MRTFB: variants seen among roughly 807,000 people sequenced by gnomAD.
MRTFB encodes the protein myocardin-related transcription factor B.
A neutral mutation model predicts 104.2 loss-of-function variants in MRTFB; 29 were observed. That is an observed-to-expected ratio of 0.28 (90% CI 0.21 to 0.38). MRTFB has a LOEUF of 0.38. Ranked by LOEUF, MRTFB falls within the 10% of genes least tolerant of loss-of-function variation. MRTFB has a pLI of 1.00. For missense variants in MRTFB, 1,270 were observed against 1,341.6 expected (o/e 0.95, Z 0.83); for synonymous variants, 535 against 519.5 (o/e 1.03, Z -0.41).
intron 14 of MRTFB, 32 bp from the exon 15 acceptor site, chr16:14,252,333 G>T (rs1230826380): frequency 6.2e-7 from 1 of 1,603,266 alleles, no homozygotes; most frequent in Non-Finnish European, 8.5e-7. Flanking sequence ...ATTGCCAAGA[G>T]GTAATGTGCA....
At chr16:14,098,152 T>C (rs2035499261) in intron 2 of MRTFB, among the ~76,000 whole-genome samples, 1 of 152,220 alleles carries the variant, frequency 6.6e-6, no homozygotes, top group South Asian at 2.1e-4. Context: ...AACTTTTTTT[T>C]CAGAACTGCC....
At chr16:14,225,312 G>A (rs1465480566) in intron 8 of MRTFB, among the ~76,000 whole-genome samples, 3 of 152,164 alleles carry the variant, frequency 2.0e-5, no homozygotes, top group African/African-American at 7.2e-5. Context: ...ACAAATCTAT[G>A]TTAATGGCCA....
the MRTFB span, among the ~76,000 whole-genome samples, chr16:14,062,374 C>T: frequency 6.6e-6 from 1 of 152,192 alleles, no homozygotes; most frequent in African/African-American, 2.4e-5. Flanking sequence ...ACTGAGATTA[C>T]AGGCGTGAGC....
intron 3 of MRTFB, among the ~76,000 whole-genome samples, chr16:14,147,410 C>G (rs1224373593): frequency 6.6e-6 from 1 of 152,172 alleles, no homozygotes; most frequent in Non-Finnish European, 1.5e-5. Context: ...GAGGTATTCT[C>G]TTTCATAATA....
intron 10 of MRTFB, chr16:14,240,780 C>A (rs775851509): frequency 4.7e-5 from 36 of 762,730 alleles, no homozygotes; most frequent in Non-Finnish European, 7.7e-5. Flanking sequence ...GTACTAGATG[C>A]TCTGAGAAAA....
chr16:14,037,272 T>A, the MRTFB span, among the ~76,000 whole-genome samples: 1 of 152,230 alleles, frequency 6.6e-6, no homozygotes, highest in Non-Finnish European at 1.5e-5. Context: ...GTGAAGGACC[T>A]GGCATATTGC....
chr16:14,161,833 T>C (rs915097549), intron 3 of MRTFB, among the ~76,000 whole-genome samples: 10 of 152,182 alleles, frequency 6.6e-5, no homozygotes, highest in Admixed American at 4.6e-4. Flanking sequence ...GTGTATTCAT[T>C]AGTACCTCAA....
intron 10 of MRTFB, 43 bp downstream of exon 10, chr16:14,240,527 G>C: frequency 6.2e-7 from 1 of 1,614,044 alleles, no homozygotes; most frequent in Non-Finnish European, 8.5e-7. Context: ...GGTTTTCTGT[G>C]GTTTTTTATG....
the MRTFB span, among the ~76,000 whole-genome samples, chr16:14,012,524 T>G: frequency 6.6e-6 from 1 of 152,094 alleles, no homozygotes; most frequent in Non-Finnish European, 1.5e-5. Context: ...GGTCTCGATC[T>G]CCTGACCTCG....
chr16:14,219,412 A>T (rs1301382547), intron 8 of MRTFB, among the ~76,000 whole-genome samples: 1 of 152,198 alleles, frequency 6.6e-6, no homozygotes, highest in Non-Finnish European at 1.5e-5. Flanking sequence ...TTGGCTTTAT[A>T]ATAATTCTTG....
chr16:14,206,460 A>G (rs752055942), intron 3 of MRTFB, among the ~76,000 whole-genome samples: 11 of 152,256 alleles, frequency 7.2e-5, no homozygotes, highest in Non-Finnish European at 1.0e-4. Flanking sequence ...GTCTATACCT[A>G]TATGATCTGT....
At chr16:14,083,132 T>G (rs72783446) in intron 2 of MRTFB, among the ~76,000 whole-genome samples, 8,928 of 152,242 alleles carry the variant, frequency 0.059, 509 homozygotes, top group East Asian at 0.3. Context: ...ATAGGATTGT[T>G]TTCTTGATTT....
intron 4 of MRTFB, 36 bp downstream of exon 4, chr16:14,210,344 A>T (rs761960196): frequency 3.0e-5 from 47 of 1,541,294 alleles, no homozygotes; most frequent in Non-Finnish European, 4.0e-5. Context: ...CCCTAACGTG[A>T]CAGAACATGA....
rs2043927836 is a variant in MRTFB at position 14,265,780 on chromosome 16, CACAGCTTTGTG to C, written c.*4340_*4350del. 1 of 152,200 alleles carries C rather than the reference CACAGCTTTGTG, an allele frequency of 6.6e-6. No homozygotes were observed. The allele number at this position is 152,200 out of a possible 1,614,324, so 9.4% of individuals were successfully genotyped here. A position where few individuals can be genotyped will look rare whatever the true frequency, so the allele number is the denominator to read the frequency against. On this transcript the variant is annotated 3_prime_UTR_variant, in exon 17 of 17. Coordinates refer to ENST00000571589, the MANE Select transcript of MRTFB (RefSeq NM_001308142.2). The stretch of plus-strand genomic sequence containing the variant: ...ATGCAAACACTTTGCTCTGTGGTGT[CACAGCTTTGTG>C]ACAATAAGATGGCAATCTCGGATCT...
chr16:14,077,466 G>C (rs2034131026), intron 1 of MRTFB, among the ~76,000 whole-genome samples: 1 of 148,324 alleles, frequency 6.7e-6, no homozygotes, highest in African/African-American at 2.5e-5. Flanking sequence ...GTACTACATT[G>C]GTTTTATAAA....
At chr16:14,147,181 T>C (rs572434210) in intron 3 of MRTFB, among the ~76,000 whole-genome samples, 65 of 152,368 alleles carry the variant, frequency 4.3e-4, no homozygotes, top group African/African-American at 1.4e-3. Flanking sequence ...AGAAAAGAAG[T>C]ATATACTCTG....
At chr16:14,144,376 A>G (rs1261802358) in intron 3 of MRTFB, 1 of 152,228 alleles carries the variant, frequency 6.6e-6, no homozygotes, top group Non-Finnish European at 1.5e-5. Flanking sequence ...CCAAGGCATA[A>G]AAGGCATCCT....
At chr16:14,127,929 ATTTTTTTTTTTTTT>A (rs67001306) in intron 2 of MRTFB, among the ~76,000 whole-genome samples, 1 of 44,640 alleles carries the variant, frequency 2.2e-5, no homozygotes, top group African/African-American at 1.8e-4. Flanking sequence ...ATATATATAT[ATTTTTTTTTTTTTT>A]TTTTTTTTCT....
chr16:14,164,269 A>G lies in MRTFB; in HGVS notation c.154+23509A>G, dbSNP rs139591967. Among the ~76,000 whole-genome samples the G allele has an allele frequency of 3.5e-3, 535 of 152,170 alleles. 3 individuals carry two copies. Among genetic ancestry groups the G allele is most frequent in the African/African-American group, 0.012 (515 of 41,500 alleles). ...TATCATTCCGTTACTCTGTATCTCT[A>G]TCTCCTTAAGATCAACTTTTTTACC... On this transcript the variant is annotated intron_variant, in intron 3 of 16. Transcript: ENST00000571589.
Sources: gnomAD v4.1 joint callset for allele counts (sites outside exome capture counted in the v4.1 genomes callset) on GRCh38, gnomAD v4.1.1 for gene constraint, MANE v1.5 for transcripts, NCBI Gene and HGNC (gene_info 2026-07-23, HGNC 2026-07-21) for gene names.